PCDHA12: variants seen among roughly 807,000 people sequenced by gnomAD.
The protein encoded by PCDHA12 is protocadherin alpha-12.
A neutral mutation model predicts 60.0 loss-of-function variants in PCDHA12; 44 were observed. That is an observed-to-expected ratio of 0.73 (90% CI 0.58 to 0.94). The LOEUF (loss-of-function observed/expected upper bound fraction) is 0.94, where lower values mean the gene tolerates loss of function less well. Ranked by LOEUF, PCDHA12 falls within the 40% of genes least tolerant of loss-of-function variation. The pLI is 0.00. For synonymous variants in PCDHA12, 569 were observed against 553.0 expected, an observed-to-expected ratio of 1.03 and a Z score of -0.40; for missense variants, 1,276 against 1,239.7, an observed-to-expected ratio of 1.03 and a Z score of -0.44.
intron 1 of PCDHA12, among the ~76,000 whole-genome samples, chr5:140,897,735 C>G (rs2066294879): frequency 6.6e-6 from 1 of 152,160 alleles, no homozygotes; most frequent in Non-Finnish European, 1.5e-5. Flanking sequence ...AATAGTATTT[C>G]TAGTTCTAGA....
In PCDHA12 at chr5:140,902,185, T is replaced by TTC. The variant is rs370111655; in HGVS notation, c.2367+24360_2367+24361dup. On this transcript the variant is annotated intron_variant, in intron 1 of 3. Transcript: ENST00000398631. ...TTCTAATTTGGATGTCCTTTATGTC[T>TTC]TCTCTCTCTCTCTCTTTCTTTTTTT... Among the ~76,000 whole-genome samples the TTC allele has an allele frequency of 1.5e-3, 225 of 150,894 alleles. 1 individual carries two copies. The highest frequency in any genetic ancestry group is 2.6e-3 in the Admixed American group (40 of 15,130).
chr5:140,974,182 A>G (rs2096618692), intron 1 of PCDHA12, among the ~76,000 whole-genome samples: 1 of 152,248 alleles, frequency 6.6e-6, no homozygotes, highest in Non-Finnish European at 1.5e-5. Context: ...AACTTGACAA[A>G]TGCAAAGGAA....
intron 1 of PCDHA12, among the ~76,000 whole-genome samples, chr5:140,964,512 T>C (rs2095837085): frequency 6.6e-6 from 1 of 152,128 alleles, no homozygotes; most frequent in African/African-American, 2.4e-5. Context: ...CAATACCCAG[T>C]GGCCAGGTCT....
intron 1 of PCDHA12, among the ~76,000 whole-genome samples, chr5:140,916,847 C>T (rs1276107761): frequency 1.3e-5 from 2 of 152,116 alleles, no homozygotes; most frequent in Non-Finnish European, 2.9e-5. Flanking sequence ...GAGCCCAGCC[C>T]AGCACTAGGA....
intron 1 of PCDHA12, among the ~76,000 whole-genome samples, chr5:140,918,244 T>A (rs1554198493): frequency 6.6e-6 from 1 of 152,236 alleles, no homozygotes; most frequent in Non-Finnish European, 1.5e-5. Context: ...TGATTTTGTA[T>A]GCTGAAACTT....
At chr5:140,879,235 A>T (rs904336289) in intron 1 of PCDHA12, among the ~76,000 whole-genome samples, 1 of 152,240 alleles carries the variant, frequency 6.6e-6, no homozygotes, top group Non-Finnish European at 1.5e-5. Context: ...CATATACAAG[A>T]GGCACTGGCA....
In PCDHA12 at chr5:140,900,436, G is replaced by C. The variant is rs553121120; in HGVS notation, c.2367+22597G>C. 8.5e-5 allele frequency among the ~76,000 whole-genome samples: 13 copies of C among 152,126 alleles called. No individual in the cohort carries two copies. The East Asian group carries it at 2.5e-3, about 30-fold the overall frequency. ...GGGATTATAGGCACGTGCCACCACG[G>C]CCGGCTAATTTTTTATTTTTAGTAG... On this transcript the variant is annotated intron_variant, in intron 1 of 3. Transcript: ENST00000398631.
At chr5:141,006,880 G>A (rs1554260955) in intron 3 of PCDHA12, among the ~76,000 whole-genome samples, 1 of 152,192 alleles carries the variant, frequency 6.6e-6, no homozygotes, top group Non-Finnish European at 1.5e-5. Flanking sequence ...GAGGAATCAA[G>A]AGTTTGATTT....
At chr5:140,917,552 C>T (rs200211133) in intron 1 of PCDHA12, among the ~76,000 whole-genome samples, 1 of 152,192 alleles carries the variant, frequency 6.6e-6, no homozygotes, top group Non-Finnish European at 1.5e-5. Flanking sequence ...TTACATTTAA[C>T]TCTTTAATCC....
intron 1 of PCDHA12, among the ~76,000 whole-genome samples, chr5:140,976,160 T>A (rs1554237376): frequency 6.6e-6 from 1 of 152,196 alleles, no homozygotes; most frequent in Admixed American, 6.5e-5. Context: ...TTTTACTACT[T>A]TTAGTTTTGT....
At chr5:140,947,027 A>G (rs554018076) in intron 1 of PCDHA12, among the ~76,000 whole-genome samples, 2 of 151,820 alleles carry the variant, frequency 1.3e-5, no homozygotes, top group African/African-American at 2.4e-5. Context: ...GAGGTAATGG[A>G]TATACTAATT....
intron 3 of PCDHA12, among the ~76,000 whole-genome samples, chr5:141,005,701 CAAAAAAAAAAAAAAAAA>C (rs59860837): frequency 2.6e-4 from 2 of 7,786 alleles, no homozygotes; most frequent in East Asian, 6.3e-3. Flanking sequence ...AACTCCGTCT[CAAAAAAAAAAAAAAAAA>C]AAAAAAAAAA....
chr5:140,941,939 T>C (rs2153657014), intron 1 of PCDHA12, among the ~76,000 whole-genome samples: 1 of 152,358 alleles, frequency 6.6e-6, no homozygotes, highest in African/African-American at 2.4e-5. Context: ...TTTGAATTAC[T>C]TTTGTTTTGA....
intron 1 of PCDHA12, chr5:140,968,434 C>T: frequency 6.8e-6 from 11 of 1,613,948 alleles, no homozygotes; most frequent in Non-Finnish European, 8.5e-6. Flanking sequence ...ACAAGGGGAG[C>T]CCACCACTGA....
chr5:140,931,626 A>G (rs1048704969), intron 1 of PCDHA12, among the ~76,000 whole-genome samples: 1 of 152,052 alleles, frequency 6.6e-6, no homozygotes, highest in Non-Finnish European at 1.5e-5. Flanking sequence ...CTTTTTAGGT[A>G]GCTCATTGGT....
At chr5:140,900,438 C>G (rs573115268) in intron 1 of PCDHA12, among the ~76,000 whole-genome samples, 1 of 152,116 alleles carries the variant, frequency 6.6e-6, no homozygotes, top group East Asian at 1.9e-4. Context: ...CCACCACGGC[C>G]GGCTAATTTT....
intron 3 of PCDHA12, among the ~76,000 whole-genome samples, chr5:141,000,510 C>G (rs1197965439): frequency 5.6e-5 from 8 of 143,864 alleles, no homozygotes; most frequent in South Asian, 4.5e-4. Context: ...TCACTGCAAC[C>G]TCCTTCTCCA....
intron 1 of PCDHA12, among the ~76,000 whole-genome samples, chr5:140,953,382 G>A (rs1554220887): frequency 6.6e-6 from 1 of 152,142 alleles, no homozygotes; most frequent in Admixed American, 6.6e-5. Context: ...ACCCCTCTCA[G>A]TTGTGGATTA....
chr5:140,893,636 G>A (rs2064097174), intron 1 of PCDHA12, among the ~76,000 whole-genome samples: 1 of 152,170 alleles, frequency 6.6e-6, no homozygotes, highest in Non-Finnish European at 1.5e-5. Flanking sequence ...GCTTGGTATA[G>A]TATTTTTGGC....
Sources: allele counts gnomAD v4.1 joint callset (sites outside exome capture counted in the v4.1 genomes callset), GRCh38; gene constraint gnomAD v4.1.1; transcripts MANE v1.5; gene names NCBI Gene and HGNC (gene_info 2026-07-23, HGNC 2026-07-21).